DDX46: variants seen among roughly 807,000 people sequenced by gnomAD.
DDX46 encodes the protein DEAD-box helicase 46.
DDX46 carries 30 observed loss-of-function variants against 134.9 expected under a neutral mutation model. The ratio of observed to expected loss-of-function variants is 0.22; its 90% CI spans 0.17 to 0.30. DDX46 has a LOEUF of 0.30. Ranked by LOEUF, DDX46 falls within the 10% of genes least tolerant of loss-of-function variation. The probability of loss-of-function intolerance (pLI) is 1.00; values close to 1 mark genes in which losing one functional copy is unlikely to be tolerated. For missense variants in DDX46, 622 were observed against 1,248.7 expected, an observed-to-expected ratio of 0.50 and a Z score of 7.56; for synonymous variants, 415 against 404.1, an observed-to-expected ratio of 1.03 and a Z score of -0.32.
chr5:134,822,847 G>T (rs539182343), intron 21 of DDX46, among the ~76,000 whole-genome samples: 1 of 152,128 alleles, frequency 6.6e-6, no homozygotes, highest in African/African-American at 2.4e-5. Flanking sequence ...AAAGTGATGG[G>T]ATTACAAACG....
intron 4 of DDX46, among the ~76,000 whole-genome samples, chr5:134,772,548 G>T (rs533260483): frequency 6.6e-6 from 1 of 151,972 alleles, no homozygotes; most frequent in Non-Finnish European, 1.5e-5. Context: ...TAAGAATTTA[G>T]ACATGAGGCC....
intron 15 of DDX46, among the ~76,000 whole-genome samples, chr5:134,800,088 C>A (rs1390015356): frequency 1.3e-5 from 2 of 152,078 alleles, no homozygotes; most frequent in Non-Finnish European, 2.9e-5. Flanking sequence ...GCTGGGACTA[C>A]AGGCATGCAC....
rs771747127 is a variant in DDX46, at chr5:134,825,169, T to C, written c.2978-1778T>C. Reference sequence around the variant, plus strand: ...CTAGGTGAGAGTGTCATTTTCCTTCTTTTTAAAGTTGCACAAAAATATCAA... The same window carrying C: ...CTAGGTGAGAGTGTCATTTTCCTTCCTTTTAAAGTTGCACAAAAATATCAA... On this transcript the variant is annotated intron_variant, in intron 21 of 22. Coordinates refer to ENST00000452510, the MANE Select transcript of DDX46 (RefSeq NM_001300860.2). 5.9e-5 allele frequency among the ~76,000 whole-genome samples: 9 copies of C among 152,226 alleles called. No homozygotes were observed. In the South Asian group the frequency reaches 8.3e-4, roughly 14 times the overall value.
intron 15 of DDX46, among the ~76,000 whole-genome samples, chr5:134,801,945 A>G (rs556407428): frequency 1.3e-5 from 2 of 152,100 alleles, no homozygotes; most frequent in South Asian, 4.1e-4. Context: ...ATTTGTATTT[A>G]TTCTGTGTGG....
intron 18 of DDX46, among the ~76,000 whole-genome samples, chr5:134,814,522 A>G (rs1755235186): frequency 1.3e-5 from 2 of 152,210 alleles, no homozygotes; most frequent in Admixed American, 1.3e-4. Context: ...TAATACCATG[A>G]ATGCTATTTA....
At chr5:134,759,287 A>G (rs1159341296) in intron 1 of DDX46, among the ~76,000 whole-genome samples, 1 of 152,148 alleles carries the variant, frequency 6.6e-6, no homozygotes, top group Non-Finnish European at 1.5e-5. Flanking sequence ...TGGATTGCTT[A>G]TTGCTTCGCG....
intron 7 of DDX46, 119 bp from the exon 8 acceptor site, chr5:134,781,802 A>G: frequency 3.1e-6 from 3 of 983,484 alleles, no homozygotes; most frequent in Non-Finnish European, 4.5e-6. Flanking sequence ...TGTGTCGTAG[A>G]AAGTAAAATA....
intron 9 of DDX46, 96 bp from the exon 10 acceptor site, chr5:134,784,270 C>A: frequency 7.6e-7 from 1 of 1,314,882 alleles, no homozygotes; most frequent in Non-Finnish European, 1.0e-6. Context: ...ATATATACCA[C>A]CTTTTGGAAG....
In DDX46 at chr5:134,777,556, T is replaced by C. The variant is rs1580783179; in HGVS notation, c.614-18T>C. Reference sequence around the variant, plus strand: ...TTTTTAAACAGATGTTTAAAGAATGTGTATTCTGGTATTTTAGATGACGAA... The same window carrying C: ...TTTTTAAACAGATGTTTAAAGAATGCGTATTCTGGTATTTTAGATGACGAA... On this transcript the variant is annotated intron_variant, in intron 5 of 22. Transcript: ENST00000452510. The C allele has an allele frequency of 1.2e-6, 2 of 1,611,256 alleles. No homozygotes were observed. Among genetic ancestry groups the C allele is most frequent in the Non-Finnish European group, 1.7e-6 (2 of 1,179,474 alleles).
Position 134,830,406 on chromosome 5 carries a change from G to A in DDX46, c.*1700G>A, listed in dbSNP as rs1299318875. ...TTGGTATAGAGGAGGGGTTTAAGGG[G>A]TGTCCTGCAATCAGTCCCCCTCTCA... On this transcript the variant is annotated 3_prime_UTR_variant, in exon 23 of 23. Coordinates refer to ENST00000452510, the MANE Select transcript of DDX46 (RefSeq NM_001300860.2). 4 of 151,858 alleles carry A rather than the reference G, an allele frequency of 2.6e-5. No homozygotes were observed. Among genetic ancestry groups the A allele is most frequent in the African/African-American group, 9.7e-5 (4 of 41,206 alleles). The allele number at this position is 151,858 out of a possible 1,614,324, so 9.4% of individuals were successfully genotyped here. A position where few individuals can be genotyped will look rare whatever the true frequency, so the allele number is the denominator to read the frequency against.
In DDX46 at chr5:134,817,790, C is replaced by G. The variant is rs1004619518; in HGVS notation, c.2832+76C>G. ...TGGAGGAAAAATCTCATCTTTAAAA[C>G]CCATGAACATTTTAATAGCTCCTTC... On this transcript the variant is annotated intron_variant, in intron 20 of 22. Coordinates refer to ENST00000452510, the MANE Select transcript of DDX46 (RefSeq NM_001300860.2). The G allele has an allele frequency of 1.2e-5, 15 of 1,256,432 alleles. No homozygotes were observed. The African/African-American group carries it at 1.4e-4, about 11-fold the overall frequency. The allele number at this position is 1,256,432 out of a possible 1,614,324, so 77.8% of individuals were successfully genotyped here.
rs773438377 is a variant in DDX46, at chr5:134,777,732, A to G, written c.765+7A>G. ...TGGTGGGGGAAATGAAAAGGTATGG[A>G]ATTTCTTATTTTTAAAGATTTCCGT... On this transcript the variant is annotated splice_region_variant and intron_variant, in intron 6 of 22. Transcript: ENST00000452510. The G allele has an allele frequency of 1.8e-5, 28 of 1,591,930 alleles. No homozygotes were observed. The highest frequency in any genetic ancestry group is 2.0e-5 in the Non-Finnish European group (24 of 1,172,942).
At chr5:134,824,858 T>G (rs1168059205) in intron 21 of DDX46, among the ~76,000 whole-genome samples, 2 of 152,152 alleles carry the variant, frequency 1.3e-5, no homozygotes, top group Non-Finnish European at 2.9e-5. Flanking sequence ...GCTCAGCAGC[T>G]CCAGGCCTCC....
At chr5:134,812,307 C>T (rs958949679) in intron 18 of DDX46, among the ~76,000 whole-genome samples, 1 of 151,950 alleles carries the variant, frequency 6.6e-6, no homozygotes, top group African/African-American at 2.4e-5. Flanking sequence ...TCAAGTGATC[C>T]GCTTTCCTTG....
rs146550004 is a variant in DDX46 at position 134,778,449 on chromosome 5, G to A, written c.765+724G>A. 3.1e-3 allele frequency among the ~76,000 whole-genome samples: 476 copies of A among 152,014 alleles called. 2 individuals are homozygous for A. Among genetic ancestry groups the A allele is most frequent in the Non-Finnish European group, 5.6e-3 (381 of 67,988 alleles). On this transcript the variant is annotated intron_variant, in intron 6 of 22. Transcript: ENST00000452510. ...GTCCCTTCTCCCTTCTAAAATGTAA[G>A]CACTCTAAGGGCAGTGACTTTTACC...
At chr5:134,763,814 T>C (rs1035768061) in intron 1 of DDX46, 90 bp from the exon 2 acceptor site, 11 of 1,410,604 alleles carry the variant, frequency 7.8e-6, no homozygotes, top group Middle Eastern at 1.9e-4. Flanking sequence ...GTTAAATTTG[T>C]CTGCTGAAAT....
chr5:134,781,143 C>G lies in DDX46; in HGVS notation c.776C>G (p.Pro259Arg), dbSNP rs1302838899. 6.3e-7 allele frequency: 1 copy of G among 1,578,134 alleles called. No homozygotes were observed. Among genetic ancestry groups the G allele is most frequent in the East Asian group, 2.3e-5 (1 of 43,614 alleles). The change falls in exon 7 of 23, where the codon CCA becomes CGA. Residue 259 changes from proline to arginine, a missense_variant. By Grantham distance (103) the Pro-to-Arg change is moderately radical (BLOSUM62 -2). Coordinates refer to ENST00000452510, the MANE Select transcript of DDX46 (RefSeq NM_001300860.2). The stretch of plus-strand genomic sequence containing the variant: ...TGTTCTTTATTTTAGAAGTCTGGGC[C>G]AACGGTCACAAAAGTTGTCACTGTT... ...GGGGNEKKSG[P>R]TVTKVVTVVT...
At chr5:134,762,937 T>A (rs1341340352) in intron 1 of DDX46, among the ~76,000 whole-genome samples, 1 of 151,876 alleles carries the variant, frequency 6.6e-6, no homozygotes, top group Non-Finnish European at 1.5e-5. Flanking sequence ...CGGACGCCTA[T>A]AGTCCTAGCT....
intron 5 of DDX46, among the ~76,000 whole-genome samples, chr5:134,775,691 A>T (rs1753913121): frequency 6.6e-6 from 1 of 152,068 alleles, no homozygotes; most frequent in African/African-American, 2.4e-5. Context: ...ATGGGGTTTC[A>T]CTATGTTGGC....
Sources: gnomAD v4.1 joint callset for allele counts (sites outside exome capture counted in the v4.1 genomes callset) on GRCh38, gnomAD v4.1.1 for gene constraint, MANE v1.5 for transcripts, NCBI Gene and HGNC (gene_info 2026-07-23, HGNC 2026-07-21) for gene names.